The following PPP2R1B variants were observed in gnomAD, a reference collection of about 807,000 sequenced individuals.
PPP2R1B encodes protein phosphatase 2 scaffold subunit Abeta.
In PPP2R1B, 58 loss-of-function variants were observed where a neutral mutation model predicts 72.7. The observed-to-expected ratio is 0.80, with a 90% confidence interval of 0.65 to 0.99. The LOEUF (loss-of-function observed/expected upper bound fraction) is 0.99, where lower values mean the gene tolerates loss of function less well. Among genes scored for constraint, PPP2R1B ranks in the 50% least tolerant of loss-of-function variants. The probability of loss-of-function intolerance (pLI) is 0.00; values close to 1 mark genes in which losing one functional copy is unlikely to be tolerated. For synonymous variants in PPP2R1B, 256 were observed against 264.6 expected, an observed-to-expected ratio of 0.97 and a Z score of 0.32; for missense variants, 695 against 733.6, an observed-to-expected ratio of 0.95 and a Z score of 0.61.
At chr11:111,719,755 C>T in the PPP2R1B span, 10 of 1,604,124 alleles carry the variant, frequency 6.2e-6, no homozygotes, top group Non-Finnish European at 8.5e-6. Flanking sequence ...ACTGAGTTTC[C>T]TCTCTCCCCT....
In PPP2R1B at chr11:111,757,071, G is replaced by A. The variant is rs553549248; in HGVS notation, c.688-1621C>T. Among the ~76,000 whole-genome samples, 26 of 149,522 alleles carry A rather than the reference G, an allele frequency of 1.7e-4. No individual in the cohort carries two copies. In the South Asian group the frequency reaches 4.4e-3, roughly 26 times the overall value. ...AGAGGCTGCAGTGAGCCGAGATCGC[G>A]CCACTGCACTCCAGCCTGGGTGACA... On this transcript the variant is annotated intron_variant, in intron 5 of 14. Transcript: ENST00000527614.
At chr11:111,703,313 C>T in the PPP2R1B span, 2 of 1,614,184 alleles carry the variant, frequency 1.2e-6, no homozygotes, top group South Asian at 1.1e-5. Flanking sequence ...TGTCCAGAGA[C>T]CTGTTCTCTA....
Position 111,738,591 on chromosome 11 carries a change from T to G in PPP2R1B, c.*3005A>C. 1.0e-6 allele frequency: 1 copy of G among 985,476 alleles called. No homozygotes were observed. The highest frequency in any genetic ancestry group is 1.7e-5 in the African/African-American group (1 of 57,370). The allele number at this position is 985,476 out of a possible 1,614,324, so 61.0% of individuals were successfully genotyped here. On this transcript the variant is annotated 3_prime_UTR_variant, in exon 15 of 15. Coordinates refer to ENST00000527614, the MANE Select transcript of PPP2R1B (RefSeq NM_002716.5). ...CTCTGTTGAGTCAGGACAAGTTGTC[T>G]GGCAAAGACCCCTGGGGCTCTGCAT... is the stretch of plus-strand genomic sequence containing the variant.
rs200931226 is a variant in PPP2R1B at position 111,760,922 on chromosome 11, G to A, written c.436C>T (p.Arg146Cys). 1.2e-4 allele frequency: 187 copies of A among 1,614,054 alleles called. No individual in the cohort carries two copies. Among genetic ancestry groups the A allele is most frequent in the Admixed American group, 1.7e-4 (10 of 60,002 alleles). ...LEAYFVPLVK[R>C]LASGDWFTSR... ...GTGAACCAATCCCCACTTGCTAAGC[G>A]TTTCACCAGAGGTACAAAATAAGCT... The change falls in exon 4 of 15, where the codon CGC (arginine) becomes TGC (cysteine). Residue 146 changes from arginine to cysteine, a missense_variant. Physicochemically the swap from Arg to Cys is radical, Grantham distance 180 (BLOSUM62 -3). Coordinates refer to ENST00000527614, the MANE Select transcript of PPP2R1B (RefSeq NM_002716.5).
chr11:111,742,589 T>C lies in PPP2R1B; in HGVS notation c.1631A>G (p.Gln544Arg), dbSNP rs370790645. The C allele has an allele frequency of 1.4e-5, 22 of 1,613,838 alleles. No individual in the cohort carries two copies. The highest frequency in any genetic ancestry group is 1.7e-5 in the Non-Finnish European group (20 of 1,179,976). ...CACATTGAAGCGAACATTTGCTACT[T>C]GGTCTCCTGCCATTTTTAATACGAT... The part of the protein sequence containing the change: ...LPIVLKMAGD[Q>R]VANVRFNVAK... Residue 544 changes from glutamine to arginine, a missense_variant, in exon 13 of 15, where the codon CAA becomes CGA. Gln to Arg is a conservative substitution (Grantham distance 43). Transcript: ENST00000527614.
chr11:111,758,527 T>G (rs1267314011), intron 5 of PPP2R1B, among the ~76,000 whole-genome samples: 1 of 151,882 alleles, frequency 6.6e-6, no homozygotes, highest in African/African-American at 2.4e-5. Flanking sequence ...GAGGCAGAGG[T>G]TGCAGAAAGC....
chr11:111,751,410 G>T (rs1944902360), intron 10 of PPP2R1B, among the ~76,000 whole-genome samples: 1 of 151,990 alleles, frequency 6.6e-6, no homozygotes, highest in African/African-American at 2.4e-5. Context: ...TGGTGATGAG[G>T]TGAAATATGT....
At chr11:111,724,044 C>T, downstream of PPP2R1B, 3 of 1,614,168 alleles carry the variant, frequency 1.9e-6, no homozygotes, top group Non-Finnish European at 1.7e-6. Flanking sequence ...GACCCACTAG[C>T]CCTCTCTGAG....
At chr11:111,722,589 G>T, downstream of PPP2R1B, 4 of 1,367,932 alleles carry the variant, frequency 2.9e-6, no homozygotes, top group Non-Finnish European at 4.1e-6. This position sits in a 1 kb window ranked among gnomAD's most constrained non-coding sequence, Gnocchi z 4.4. Context: ...TCATCCTGCA[G>T]GCAGAAGCAC....
chr11:111,740,092 T>C lies in PPP2R1B; in HGVS notation c.*1504A>G. 2.0e-6 allele frequency: 2 copies of C among 985,190 alleles called. No individual in the cohort carries two copies. Among genetic ancestry groups the C allele is most frequent in the Non-Finnish European group, 2.4e-6 (2 of 829,852 alleles). The allele number at this position is 985,190 out of a possible 1,614,324, so 61.0% of individuals were successfully genotyped here. On this transcript the variant is annotated 3_prime_UTR_variant, in exon 15 of 15. Transcript: ENST00000527614. ...GATTTAAAAGAGGTTGTGAACAAAATCAACAATTCAAAAACCAAAAGGGTA... is the reference window on the plus strand; with the variant it reads ...GATTTAAAAGAGGTTGTGAACAAAACCAACAATTCAAAAACCAAAAGGGTA...
chr11:111,712,027 C>T, the PPP2R1B span, among the ~76,000 whole-genome samples: 3 of 152,238 alleles, frequency 2.0e-5, no homozygotes, highest in African/African-American at 4.8e-5. Context: ...TAACCGATTG[C>T]TGAGTCTGCT....
chr11:111,732,814 T>C (rs1022095566), intron 15 of PPP2R1B, among the ~76,000 whole-genome samples: 1 of 152,122 alleles, frequency 6.6e-6, no homozygotes, highest in African/African-American at 2.4e-5. Flanking sequence ...GTGGGCACCA[T>C]GGGAGGAAGT....
At position 111,761,012 on chromosome 11, in the gene PPP2R1B, C is replaced by G. The variant is rs1555051241; in HGVS notation, c.346G>C (p.Val116Leu). ...AGGGACTCCACAGCCTTGTCACGAA[C>G]AACAGTCTCTTCCACAGTTGCCAGA... ...ENLATVEETVVRDKAVESLRQ... is the reference protein window; with the variant it reads ...ENLATVEETVLRDKAVESLRQ... Residue 116 changes from valine to leucine, a missense_variant, in exon 4 of 15, where the codon GTT (valine) becomes CTT (leucine). Coordinates refer to ENST00000527614, the MANE Select transcript of PPP2R1B (RefSeq NM_002716.5). The G allele has an allele frequency of 6.2e-7, 1 of 1,614,174 alleles. No individual in the cohort carries two copies. The highest frequency in any genetic ancestry group is 8.5e-7 in the Non-Finnish European group (1 of 1,180,028).
At chr11:111,719,130 AT>A in the PPP2R1B span, among the ~76,000 whole-genome samples, 1 of 152,176 alleles carries the variant, frequency 6.6e-6, no homozygotes, top group Non-Finnish European at 1.5e-5. Context: ...GCCCTTTGTT[AT>A]TCTACAATGG....
At chr11:111,712,403 C>T in the PPP2R1B span, 2 of 1,598,396 alleles carry the variant, frequency 1.3e-6, no homozygotes, top group Non-Finnish European at 1.7e-6. Flanking sequence ...AGTCTCAGAA[C>T]TGGCAGTTTG....
At position 111,741,446 on chromosome 11, in the gene PPP2R1B, T is replaced by C. The variant is rs767972511; in HGVS notation, c.*150A>G. 24 of 1,453,184 alleles carry C rather than the reference T, an allele frequency of 1.7e-5. No individual in the cohort carries two copies. Among genetic ancestry groups the C allele is most frequent in the Admixed American group, 2.9e-5 (1 of 34,122 alleles). The allele number at this position is 1,453,184 out of a possible 1,614,324, so 90.0% of individuals were successfully genotyped here. A position where few individuals can be genotyped will look rare whatever the true frequency, so the allele number is the denominator to read the frequency against. On this transcript the variant is annotated 3_prime_UTR_variant, in exon 15 of 15. Coordinates refer to ENST00000527614, the MANE Select transcript of PPP2R1B (RefSeq NM_002716.5). ...AATCCCATTTCATCTTTAGAAAGAATTAAGTCACTAAATGATTTCTTCTAA... is the reference window on the plus strand; with the variant it reads ...AATCCCATTTCATCTTTAGAAAGAACTAAGTCACTAAATGATTTCTTCTAA...
intron 15 of PPP2R1B, among the ~76,000 whole-genome samples, chr11:111,731,938 C>T (rs1367507209): frequency 1.3e-5 from 2 of 152,344 alleles, no homozygotes; most frequent in East Asian, 1.9e-4. Flanking sequence ...TGCCCCAGGA[C>T]GCAGGCAAAA....
the PPP2R1B span, chr11:111,701,624 C>T: frequency 1.9e-6 from 3 of 1,584,462 alleles, no homozygotes; most frequent in Admixed American, 1.7e-5. The surrounding 1 kb of genome is among the most constrained non-coding windows in gnomAD (Gnocchi z 4.2). Flanking sequence ...GTTAGTGCTC[C>T]AAGTGAAATG....
Position 111,740,123 on chromosome 11 carries a change from C to T in PPP2R1B, c.*1473G>A. ...ATTCAAAAACCAAAAGGGTAACAAG[C>T]AAACCTCATAGCAAGATGCACTGAG... On this transcript the variant is annotated 3_prime_UTR_variant, in exon 15 of 15. Transcript: ENST00000527614. 1.0e-6 allele frequency: 1 copy of T among 985,352 alleles called. No homozygotes were observed. Among genetic ancestry groups the T allele is most frequent in the Non-Finnish European group, 1.2e-6 (1 of 829,874 alleles). The allele number at this position is 985,352 out of a possible 1,614,324, so 61.0% of individuals were successfully genotyped here. A position where few individuals can be genotyped will look rare whatever the true frequency, so the allele number is the denominator to read the frequency against.
Sources: gnomAD v4.1 joint callset for allele counts (sites outside exome capture counted in the v4.1 genomes callset) on GRCh38, gnomAD v4.1.1 for gene constraint, Gnocchi (gnomAD v3.1) non-coding constraint, MANE v1.5 for transcripts, NCBI Gene and HGNC (gene_info 2026-07-23, HGNC 2026-07-21) for gene names.